The following LRRTM4 variants were observed in gnomAD, a reference collection of about 807,000 sequenced individuals.
The protein encoded by LRRTM4 is leucine-rich repeat transmembrane neuronal protein 4.
In LRRTM4, 25 loss-of-function variants were observed where a neutral mutation model predicts 47.6. The observed-to-expected ratio is 0.53, with a 90% CI of 0.38 to 0.73. The LOEUF is 0.73. Among genes scored for constraint, LRRTM4 ranks in the 30% least tolerant of loss-of-function variants. The pLI is 0.00. For synonymous variants in LRRTM4, 311 were observed against 269.5 expected, an observed-to-expected ratio of 1.15 and a Z score of -1.51; for missense variants, 638 against 713.4, an observed-to-expected ratio of 0.89 and a Z score of 1.20.
intron 3 of LRRTM4, among the ~76,000 whole-genome samples, chr2:76,800,417 T>C (rs1423624203): frequency 8.6e-5 from 11 of 127,620 alleles, no homozygotes; most frequent in East Asian, 2.4e-4. Flanking sequence ...AAGCTGAAAC[T>C]GGATCCCTTC....
At chr2:76,947,210 A>C (rs1050817869) in intron 3 of LRRTM4, among the ~76,000 whole-genome samples, 15 of 152,008 alleles carry the variant, frequency 9.9e-5, no homozygotes, top group Middle Eastern at 3.4e-3. Context: ...AGTAGAACTA[A>C]TGTTTACTTA....
At chr2:77,292,692 T>A (rs993921319) in intron 3 of LRRTM4, among the ~76,000 whole-genome samples, 9 of 104,210 alleles carry the variant, frequency 8.6e-5, no homozygotes, top group African/African-American at 3.3e-4. Flanking sequence ...CTCTGGGGAC[T>A]GTTGTGGGGT....
At chr2:77,441,125 A>G (rs1675821858) in intron 3 of LRRTM4, among the ~76,000 whole-genome samples, 1 of 152,238 alleles carries the variant, frequency 6.6e-6, no homozygotes, top group African/African-American at 2.4e-5. Context: ...AAACATTCCT[A>G]TCACACCATG....
intron 3 of LRRTM4, among the ~76,000 whole-genome samples, chr2:77,367,728 T>A (rs1391041989): frequency 6.6e-6 from 1 of 151,814 alleles, no homozygotes; most frequent in Non-Finnish European, 1.5e-5. Context: ...TAAGAGACGG[T>A]AGGTAGGTCA....
At chr2:77,080,533 C>T (rs776396962) in intron 3 of LRRTM4, among the ~76,000 whole-genome samples, 2 of 152,150 alleles carry the variant, frequency 1.3e-5, no homozygotes, top group Non-Finnish European at 2.9e-5. Flanking sequence ...TATAATTGAA[C>T]TCTTCACCAC....
chr2:77,414,657 C>T lies in LRRTM4; in HGVS notation c.1551+103661G>A, dbSNP rs557664904. 1.1e-3 allele frequency among the ~76,000 whole-genome samples: 165 copies of T among 152,312 alleles called. 1 individual carries two copies. Among genetic ancestry groups the T allele is most frequent in the African/African-American group, 3.9e-3 (161 of 41,566 alleles). ...TCATAGTGATGGAGGATTGTTCTTA[C>T]CCAACCACACTTTCTTTGGAAACAA... On this transcript the variant is annotated intron_variant, in intron 3 of 3. Coordinates refer to ENST00000409884, the MANE Select transcript of LRRTM4 (RefSeq NM_001134745.3).
At chr2:77,070,851 G>C (rs573829001) in intron 3 of LRRTM4, among the ~76,000 whole-genome samples, 3 of 152,060 alleles carry the variant, frequency 2.0e-5, no homozygotes, top group Admixed American at 6.6e-5. Context: ...GGCTGGTCTC[G>C]AACTCCTGAC....
chr2:76,864,896 T>G (rs1330773161), intron 3 of LRRTM4, among the ~76,000 whole-genome samples: 6 of 150,258 alleles, frequency 4.0e-5, no homozygotes, highest in African/African-American at 7.5e-5. Context: ...CAGCTGTTTT[T>G]TTTTTTTTTT....
chr2:77,424,456 C>T (rs192124649), intron 3 of LRRTM4, among the ~76,000 whole-genome samples: 86 of 152,100 alleles, frequency 5.7e-4, no homozygotes, highest in African/African-American at 1.8e-3. Flanking sequence ...CAGAAAATAC[C>T]GGGTAAACTC....
At chr2:77,037,803 A>G (rs1351082080) in intron 3 of LRRTM4, among the ~76,000 whole-genome samples, 1 of 151,726 alleles carries the variant, frequency 6.6e-6, no homozygotes, top group East Asian at 1.9e-4. Context: ...GCAAATGATA[A>G]TAGATTGCAA....
chr2:77,136,964 T>G (rs574573767), intron 3 of LRRTM4, among the ~76,000 whole-genome samples: 1 of 151,892 alleles, frequency 6.6e-6, no homozygotes, highest in African/African-American at 2.4e-5. Context: ...CTCCAAGAAA[T>G]ATGGGACTAT....
At chr2:77,242,418 A>G (rs1048528385) in intron 3 of LRRTM4, among the ~76,000 whole-genome samples, 3 of 152,168 alleles carry the variant, frequency 2.0e-5, no homozygotes, top group Admixed American at 2.0e-4. Context: ...CAAATCATAT[A>G]TCCGATAAGA....
intron 3 of LRRTM4, among the ~76,000 whole-genome samples, chr2:76,764,767 A>G (rs1167160258): frequency 6.6e-6 from 1 of 152,244 alleles, no homozygotes; most frequent in Non-Finnish European, 1.5e-5. Context: ...AGGACTATAG[A>G]GCTATCCAGC....
intron 3 of LRRTM4, among the ~76,000 whole-genome samples, chr2:77,018,913 A>AATGCAT (rs1678168887): frequency 3.9e-5 from 6 of 152,142 alleles, no homozygotes; most frequent in African/African-American, 1.2e-4. Flanking sequence ...TTTGTGTTTG[A>AATGCAT]ATGTGGTAAT....
intron 3 of LRRTM4, among the ~76,000 whole-genome samples, chr2:76,771,010 G>A (rs776645787): frequency 2.0e-5 from 3 of 152,150 alleles, no homozygotes; most frequent in Non-Finnish European, 4.4e-5. Flanking sequence ...TTATTTGACT[G>A]TCAAATGCAA....
intron 3 of LRRTM4, among the ~76,000 whole-genome samples, chr2:76,766,946 G>A (rs1360725139): frequency 6.6e-6 from 1 of 152,134 alleles, no homozygotes; most frequent in East Asian, 1.9e-4. Context: ...TATAGATCTT[G>A]CTAGATGAGC....
At chr2:77,160,434 T>C (rs2103806900) in intron 3 of LRRTM4, among the ~76,000 whole-genome samples, 1 of 152,178 alleles carries the variant, frequency 6.6e-6, no homozygotes, top group Middle Eastern at 3.4e-3. Context: ...TGGGGGCATG[T>C]AAATCACTTC....
chr2:77,175,210 C>G (rs1673161075), intron 3 of LRRTM4, among the ~76,000 whole-genome samples: 2 of 151,800 alleles, frequency 1.3e-5, no homozygotes, highest in African/African-American at 4.8e-5. Context: ...GCTAGGATTA[C>G]AGGTGTGCAC....
rs758579652 is a variant in LRRTM4 at position 76,748,832 on chromosome 2, C to A, written c.1636G>T (p.Val546Phe). The change falls in exon 4 of 4, where the codon GTC (valine) becomes TTC (phenylalanine). Residue 546 changes from valine (V) to phenylalanine (F), a missense_variant. Transcript: ENST00000409884. ...GYCQAHQPLH[V>F]TKGYETVSPE... ...GACACTGTCTCATAGCCCTTGGTGA[C>A]ATGGAGTGGCTGGTGGGCCTGGCAG... The A allele has an allele frequency of 6.2e-7, 1 of 1,614,008 alleles. No homozygotes were observed.
Sources: allele counts gnomAD v4.1 joint callset (sites outside exome capture counted in the v4.1 genomes callset), GRCh38; gene constraint gnomAD v4.1.1; transcripts MANE v1.5; gene names NCBI Gene and HGNC (gene_info 2026-07-23, HGNC 2026-07-21).